ANO5: variants seen among roughly 807,000 people sequenced by gnomAD.
ANO5 encodes anoctamin-5.
Under a neutral mutation model 121.0 loss-of-function variants are expected in ANO5, and 109 were observed. The observed-to-expected ratio is 0.90, with a 90% CI of 0.77 to 1.06. ANO5 has a LOEUF of 1.06. Ranked by LOEUF, ANO5 falls within the 50% of genes least tolerant of loss-of-function variation. The pLI is 0.00. For missense variants in ANO5, 1,064 were observed against 1,078.5 expected, an observed-to-expected ratio of 0.99 and a Z score of 0.19; for synonymous variants, 406 against 359.9, an observed-to-expected ratio of 1.13 and a Z score of -1.45.
At position 22,264,746 on chromosome 11, in the gene ANO5, AAATAAG is replaced by A. The variant is rs1422691564; in HGVS notation, c.1898+1710_1898+1715del. Among the ~76,000 whole-genome samples the A allele has an allele frequency of 6.7e-4, 102 of 152,284 alleles. 1 individual carries two copies. The highest frequency in any genetic ancestry group is 2.3e-3 in the African/African-American group (97 of 41,570). ...AAATAAATAAAAACTGACAGAAATG[AAATAAG>A]AATAAGTAAATATGAAATGGAAGCA... On this transcript the variant is annotated intron_variant, in intron 17 of 21. Coordinates refer to ENST00000324559, the MANE Select transcript of ANO5 (RefSeq NM_213599.3).
At chr11:22,274,905 C>T (rs538829863) in intron 20 of ANO5, among the ~76,000 whole-genome samples, 158 bp downstream of exon 20, 1 of 152,084 alleles carries the variant, frequency 6.6e-6, no homozygotes, top group Non-Finnish European at 1.5e-5. Context: ...TCACACATTG[C>T]ATGATTCAGA....
intron 7 of ANO5, among the ~76,000 whole-genome samples, chr11:22,228,133 A>G (rs1481527937): frequency 6.6e-6 from 1 of 152,060 alleles, no homozygotes; most frequent in Non-Finnish European, 1.5e-5. Flanking sequence ...TCTCTCAGAA[A>G]GAATCATGGT....
intron 1 of ANO5, among the ~76,000 whole-genome samples, chr11:22,200,908 G>A (rs1399472511): frequency 6.6e-6 from 1 of 152,130 alleles, no homozygotes; most frequent in Non-Finnish European, 1.5e-5. Flanking sequence ...GGTGTGTTAT[G>A]TATGTGTGTG....
Position 22,270,400 on chromosome 11 carries a change from A to G in ANO5, c.1987A>G (p.Ser663Gly), listed in dbSNP as rs753021135. ...ATGGGAGCAGGATCATGACCTTGAA[A>G]GTTTTGGACCCCTTGGGCTTTTCTA... ...SRWEQDHDLE[S>G]FGPLGLFYEY... The change falls in exon 18 of 22, where the codon AGT becomes GGT. Residue 663 changes from serine (S) to glycine (G), a missense_variant. By Grantham distance (56) the Ser-to-Gly change is moderately conservative (BLOSUM62 0). Coordinates refer to ENST00000324559, the MANE Select transcript of ANO5 (RefSeq NM_213599.3). 8.1e-6 allele frequency: 13 copies of G among 1,614,168 alleles called. No individual in the cohort carries two copies. The South Asian group carries it at 1.4e-4, about 18-fold the overall frequency.
intron 9 of ANO5, among the ~76,000 whole-genome samples, chr11:22,246,732 T>C (rs1853631113): frequency 6.6e-6 from 1 of 151,056 alleles, no homozygotes; most frequent in Non-Finnish European, 1.5e-5. Flanking sequence ...CGCACACAAC[T>C]GTAATCTCAG....
chr11:22,250,425 T>C, intron 10 of ANO5, 54 bp downstream of exon 10: 1 of 1,602,240 alleles, frequency 6.2e-7, no homozygotes, highest in South Asian at 1.1e-5. Flanking sequence ...TTGTGCCAAA[T>C]GAAGTTGTTG....
rs545190807 is a variant in ANO5 at position 22,224,847 on chromosome 11, T to C, written c.295-1137T>C. On this transcript the variant is annotated intron_variant, in intron 5 of 21. Coordinates refer to ENST00000324559, the MANE Select transcript of ANO5 (RefSeq NM_213599.3). ...CCATTGAAAAAATGAAATACTATCA[T>C]TTGCAGCCATCGATGGAACTGGAAG... Among the ~76,000 whole-genome samples the C allele has an allele frequency of 1.9e-3, 294 of 152,182 alleles. 3 individuals are homozygous for C. Among genetic ancestry groups the C allele is most frequent in the African/African-American group, 6.2e-3 (257 of 41,546 alleles).
chr11:22,279,892 A>AACTC lies in ANO5; in HGVS notation c.*129_*132dup. 2.3e-6 allele frequency: 2 copies of AACTC among 856,936 alleles called. No homozygotes were observed. The highest frequency in any genetic ancestry group is 3.6e-6 in the Non-Finnish European group (2 of 561,528). 53.1% of individuals were successfully genotyped at this position (856,936 alleles called of 1,614,324 possible). On this transcript the variant is annotated 3_prime_UTR_variant, in exon 22 of 22. Transcript: ENST00000324559. ...TTTTTTTTTTTTCTTTTTTTTTTTAAACTCAAAGTTTTTATACACTTTTAT... is the reference window on the plus strand; with the variant it reads ...TTTTTTTTTTTTCTTTTTTTTTTTAAACTCACTCAAAGTTTTTATACACTTTTAT...
At chr11:22,221,978 A>G (rs1273137138) in intron 5 of ANO5, among the ~76,000 whole-genome samples, 1 of 152,012 alleles carries the variant, frequency 6.6e-6, no homozygotes, top group Non-Finnish European at 1.5e-5. Flanking sequence ...GCCTTCTACC[A>G]GGCCTCTGAA....
chr11:22,193,243 G>C lies in ANO5; in HGVS notation c.-250G>C. ...GGGCCAAGCGCGCGAAGCAGGTTGTGGGGGACCGGGTCGAGTGGAAGTACC... is the reference window on the plus strand; with the variant it reads ...GGGCCAAGCGCGCGAAGCAGGTTGTCGGGGACCGGGTCGAGTGGAAGTACC... On this transcript the variant is annotated 5_prime_UTR_variant, in exon 1 of 22. Coordinates refer to ENST00000324559, the MANE Select transcript of ANO5 (RefSeq NM_213599.3). 3.5e-6 allele frequency: 4 copies of C among 1,130,876 alleles called. No homozygotes were observed. The highest frequency in any genetic ancestry group is 2.8e-5 in the South Asian group (1 of 36,132). The allele number at this position is 1,130,876 out of a possible 1,614,324, so 70.1% of individuals were successfully genotyped here. A position where few individuals can be genotyped will look rare whatever the true frequency, so the allele number is the denominator to read the frequency against.
At chr11:22,196,986 T>C (rs940744502) in intron 1 of ANO5, among the ~76,000 whole-genome samples, 2 of 152,234 alleles carry the variant, frequency 1.3e-5, no homozygotes, top group African/African-American at 4.8e-5. Context: ...ATAGCTACTT[T>C]CATTTCTATG....
At chr11:22,192,833 G>A, upstream of ANO5, 1 of 326,842 alleles carries the variant, frequency 3.1e-6, no homozygotes, top group Non-Finnish European at 4.4e-6. Flanking sequence ...ACAGGGCCGG[G>A]GGGCGGCGGG....
chr11:22,221,640 C>T (rs1852655294), intron 5 of ANO5, among the ~76,000 whole-genome samples: 1 of 151,804 alleles, frequency 6.6e-6, no homozygotes, highest in Non-Finnish European at 1.5e-5. Context: ...ACTTTATGAG[C>T]TTATTTATTC....
intron 7 of ANO5, among the ~76,000 whole-genome samples, chr11:22,230,991 T>C (rs1244457820): frequency 6.6e-6 from 1 of 151,974 alleles, no homozygotes; most frequent in Non-Finnish European, 1.5e-5. Context: ...TGCTACTCTC[T>C]AATATAGACA....
At chr11:22,273,105 A>C (rs191100607) in intron 19 of ANO5, 116 bp downstream of exon 19, 2 of 1,127,638 alleles carry the variant, frequency 1.8e-6, no homozygotes, top group African/African-American at 1.5e-5. Flanking sequence ...TATAAAGCTA[A>C]AACATTCCGA....
At chr11:22,274,064 A>C (rs1345222320) in intron 19 of ANO5, among the ~76,000 whole-genome samples, 1 of 152,066 alleles carries the variant, frequency 6.6e-6, no homozygotes, top group Non-Finnish European at 1.5e-5. Context: ...CAAAATTATC[A>C]TTCCCATGGA....
At position 22,274,433 on chromosome 11, in the gene ANO5, A is replaced by C. The variant is rs553652319; in HGVS notation, c.2236-136A>C. 7 of 823,226 alleles carry C rather than the reference A, an allele frequency of 8.5e-6. 1 individual carries two copies. The South Asian group carries it at 1.2e-4, about 14-fold the overall frequency. The allele number at this position is 823,226 out of a possible 1,614,324, so 51.0% of individuals were successfully genotyped here. A position where few individuals can be genotyped will look rare whatever the true frequency, so the allele number is the denominator to read the frequency against. Reference sequence around the variant, plus strand: ...TTTGTGTTTCAGGACAAAGACTTGCATATTACTATGATTTATAATAGTATT... The same window carrying C: ...TTTGTGTTTCAGGACAAAGACTTGCCTATTACTATGATTTATAATAGTATT... On this transcript the variant is annotated intron_variant, in intron 19 of 21. Transcript: ENST00000324559.
At chr11:22,203,331 G>A (rs1048130500) in intron 1 of ANO5, among the ~76,000 whole-genome samples, 4 of 152,160 alleles carry the variant, frequency 2.6e-5, no homozygotes, top group Admixed American at 1.3e-4. Context: ...TTACCATTAC[G>A]GAGCTATCTG....
At chr11:22,230,770 A>G (rs1196861845) in intron 7 of ANO5, among the ~76,000 whole-genome samples, 1 of 151,954 alleles carries the variant, frequency 6.6e-6, no homozygotes, top group Admixed American at 6.6e-5. Context: ...CCATTCAGGC[A>G]TCAGCAAGAA....
Sources: gnomAD v4.1 joint callset for allele counts (sites outside exome capture counted in the v4.1 genomes callset) on GRCh38, gnomAD v4.1.1 for gene constraint, MANE v1.5 for transcripts, NCBI Gene and HGNC (gene_info 2026-07-23, HGNC 2026-07-21) for gene names.